Variants in NCKAP5 observed in about 807,000 individuals in gnomAD.
The protein encoded by NCKAP5 is NCK associated protein 5.
In NCKAP5, 92 loss-of-function variants were observed where a neutral mutation model predicts 167.0. The ratio of observed to expected loss-of-function variants is 0.55; its 90% confidence interval spans 0.47 to 0.66. NCKAP5 has a LOEUF of 0.66. NCKAP5 is among the 30% of genes least tolerant of loss of function. NCKAP5 has a pLI of 0.00. For synonymous variants in NCKAP5, 891 were observed against 877.4 expected (o/e 1.02, Z -0.27); for missense variants, 2,378 against 2,315.0 (o/e 1.03, Z -0.56).
intron 16 of NCKAP5, among the ~76,000 whole-genome samples, chr2:132,764,968 T>C (rs1681327998): frequency 6.6e-6 from 1 of 152,200 alleles, no homozygotes; most frequent in Non-Finnish European, 1.5e-5. Flanking sequence ...GACAGATAAT[T>C]ATCGGGACTT....
intron 4 of NCKAP5, chr2:133,267,328 G>C (rs1366550107): frequency 6.6e-6 from 1 of 152,266 alleles, no homozygotes; most frequent in Non-Finnish European, 1.5e-5. Flanking sequence ...TGGGTGGAAC[G>C]AATGTCTGCT....
chr2:132,930,921 T>C (rs758209731), intron 8 of NCKAP5: 2 of 152,176 alleles, frequency 1.3e-5, no homozygotes, highest in Non-Finnish European at 2.9e-5. Flanking sequence ...GGTACTGTTA[T>C]TTTATCTCCC....
intron 4 of NCKAP5, among the ~76,000 whole-genome samples, chr2:133,223,174 C>A (rs1324270089): frequency 6.6e-6 from 1 of 152,152 alleles, no homozygotes; most frequent in Non-Finnish European, 1.5e-5. Context: ...GTGAAGATAT[C>A]ACCAAATGTC....
chr2:133,047,041 A>G (rs1260567042), intron 6 of NCKAP5, among the ~76,000 whole-genome samples: 1 of 152,218 alleles, frequency 6.6e-6, no homozygotes, highest in Non-Finnish European at 1.5e-5. Flanking sequence ...CTTTGATCAC[A>G]GAAACCCACT....
chr2:132,837,938 C>A (rs1319554040), intron 11 of NCKAP5, among the ~76,000 whole-genome samples: 2 of 151,806 alleles, frequency 1.3e-5, no homozygotes, highest in Non-Finnish European at 2.9e-5. Flanking sequence ...GGTGTTCTGG[C>A]AGCTGGACAG....
chr2:133,372,777 ATC>A (rs1685885938), intron 3 of NCKAP5, among the ~76,000 whole-genome samples: 1 of 152,170 alleles, frequency 6.6e-6, no homozygotes, highest in African/African-American at 2.4e-5. Flanking sequence ...CCTTTCAAAT[ATC>A]TGTCAACCTT....
chr2:132,937,890 T>C (rs1696977919), intron 8 of NCKAP5, among the ~76,000 whole-genome samples: 1 of 152,190 alleles, frequency 6.6e-6, no homozygotes, highest in African/African-American at 2.4e-5. Context: ...TTCAGAAAAT[T>C]AGCCAACCAA....
chr2:133,080,973 G>A lies in NCKAP5; in HGVS notation c.341+49005C>T, dbSNP rs79297607. 2.6e-5 allele frequency among the ~76,000 whole-genome samples: 4 copies of A among 152,206 alleles called. No individual in the cohort carries two copies. In the East Asian group the frequency reaches 7.7e-4, roughly 29 times the overall value. On this transcript the variant is annotated intron_variant, in intron 6 of 19. Coordinates refer to ENST00000409261, the MANE Select transcript of NCKAP5 (RefSeq NM_207363.3). ...CAAAGCAGACAGAGCAGACTGTTCT[G>A]GAATGAAGAGCATGGGCAGAAGCAA... is the stretch of plus-strand genomic sequence containing the variant.
At chr2:132,777,260 C>T (rs991018468) in intron 15 of NCKAP5, among the ~76,000 whole-genome samples, 2 of 152,142 alleles carry the variant, frequency 1.3e-5, no homozygotes, top group Non-Finnish European at 2.9e-5. Context: ...AATATCACTG[C>T]ACTTCTATTT....
At chr2:133,493,856 A>G (rs907292097) in intron 3 of NCKAP5, among the ~76,000 whole-genome samples, 1 of 152,232 alleles carries the variant, frequency 6.6e-6, no homozygotes, top group Non-Finnish European at 1.5e-5. Context: ...CAGAAAAAAT[A>G]GTGACAAAAG....
At chr2:133,354,390 G>A (rs923683009) in intron 3 of NCKAP5, among the ~76,000 whole-genome samples, 1 of 151,662 alleles carries the variant, frequency 6.6e-6, no homozygotes, top group East Asian at 1.9e-4. Context: ...CCAGTAGATG[G>A]GGCAACAGGC....
At chr2:133,225,384 T>C (rs2086837603) in intron 4 of NCKAP5, among the ~76,000 whole-genome samples, 1 of 152,204 alleles carries the variant, frequency 6.6e-6, no homozygotes. Flanking sequence ...AATCTCATTC[T>C]GTCTCTGTTT....
At chr2:132,801,403 T>C (rs1434859410) in intron 11 of NCKAP5, among the ~76,000 whole-genome samples, 2 of 152,236 alleles carry the variant, frequency 1.3e-5, no homozygotes, top group Non-Finnish European at 2.9e-5. Flanking sequence ...CATGTTTCTA[T>C]GTATATATGT....
chr2:133,307,489 A>C (rs1341380028), intron 3 of NCKAP5, among the ~76,000 whole-genome samples: 1 of 152,186 alleles, frequency 6.6e-6, no homozygotes, highest in African/African-American at 2.4e-5. Flanking sequence ...CTATTGGCAC[A>C]AGAGTTGAAA....
chr2:132,838,477 A>C (rs2105406657), intron 11 of NCKAP5, among the ~76,000 whole-genome samples: 1 of 152,066 alleles, frequency 6.6e-6, no homozygotes, highest in East Asian at 1.9e-4. Context: ...TAAAAACACA[A>C]AAAAATTAGC....
chr2:132,991,175 C>G lies in NCKAP5; in HGVS notation c.429+2977G>C, dbSNP rs1218477712. 2.6e-5 allele frequency among the ~76,000 whole-genome samples: 4 copies of G among 152,280 alleles called. No homozygotes were observed. In the South Asian group the frequency reaches 8.3e-4, roughly 32 times the overall value. On this transcript the variant is annotated intron_variant, in intron 7 of 19. Transcript: ENST00000409261. ...TCAGGCAAGCACTTGCCTCTCTGAG[C>G]CTATGTCCACATCTGTAAGACAGGG...
At chr2:133,192,831 T>A (rs2085286917) in intron 5 of NCKAP5, among the ~76,000 whole-genome samples, 1 of 152,120 alleles carries the variant, frequency 6.6e-6, no homozygotes, top group Admixed American at 6.6e-5. Context: ...ACAGCTGCTC[T>A]GGAAAGTTAA....
At chr2:133,097,177 G>A (rs2081369178) in intron 6 of NCKAP5, among the ~76,000 whole-genome samples, 1 of 152,182 alleles carries the variant, frequency 6.6e-6, no homozygotes, top group African/African-American at 2.4e-5. Context: ...GGGAGGCAAG[G>A]AGGCATGGAG....
At chr2:133,070,502 G>T (rs777159519) in intron 6 of NCKAP5, among the ~76,000 whole-genome samples, 1 of 152,046 alleles carries the variant, frequency 6.6e-6, no homozygotes, top group African/African-American at 2.4e-5. Context: ...TCTAAGGACC[G>T]ACTCCTTAGT....
Sources: allele counts gnomAD v4.1 joint callset (sites outside exome capture counted in the v4.1 genomes callset), GRCh38; gene constraint gnomAD v4.1.1; transcripts MANE v1.5; gene names NCBI Gene and HGNC (gene_info 2026-07-23, HGNC 2026-07-21).